The following FIBP variants were observed in gnomAD, a reference collection of about 807,000 sequenced individuals.
FIBP encodes the protein FGF1 intracellular binding protein, also known as acidic fibroblast growth factor intracellular-binding protein.
A neutral mutation model predicts 40.5 loss-of-function variants in FIBP; 29 were observed. That is an observed-to-expected ratio of 0.72 (90% CI 0.53 to 0.98). The LOEUF (loss-of-function observed/expected upper bound fraction) is 0.98. Among genes scored for constraint, FIBP ranks in the 50% least tolerant of loss-of-function variants. The probability of loss-of-function intolerance (pLI) is 0.00; values close to 1 mark genes in which losing one functional copy is unlikely to be tolerated. For missense variants in FIBP, 411 were observed against 470.2 expected (o/e 0.87, Z 1.16); for synonymous variants, 215 against 191.1 (o/e 1.13, Z -1.03).
In FIBP at chr11:65,884,959, G is replaced by A; in HGVS notation, c.795C>T (p.Phe265=). 6.2e-7 allele frequency: 1 copy of A among 1,614,192 alleles called. No individual in the cohort carries two copies. Among genetic ancestry groups the A allele is most frequent in the Non-Finnish European group, 8.5e-7 (1 of 1,180,044 alleles). The stretch of plus-strand genomic sequence containing the variant: ...CCTTGAAGTTGGCTTCCATCTCAGA[G>A]AAGACGCCCAGCTTTCCCCGGAGAG... ...CTALRGKLGV[F]SEMEANFKNL... The change falls in exon 7 of 10, where the codon TTC becomes TTT. Residue 265 remains phenylalanine (F), a synonymous_variant. Coordinates refer to ENST00000357519, the MANE Select transcript of FIBP (RefSeq NM_004214.5).
chr11:65,886,060 C>T lies in FIBP; in HGVS notation c.512+262G>A. On this transcript the variant is annotated intron_variant, in intron 4 of 9. Coordinates refer to ENST00000357519, the MANE Select transcript of FIBP (RefSeq NM_004214.5). The stretch of plus-strand genomic sequence containing the variant: ...TGGCTCAAGCCTGTAATCCCAGCTA[C>T]TCGGGAGGCTGAGGCAGAATTGCTT... The T allele has an allele frequency of 1.1e-5, 5 of 470,412 alleles. No homozygotes were observed. The South Asian group carries it at 1.3e-4, about 12-fold the overall frequency. 29.1% of individuals were successfully genotyped at this position (470,412 alleles called of 1,614,324 possible).
chr11:65,886,927 C>T (rs1860251905), intron 3 of FIBP: 1 of 170,728 alleles, frequency 5.9e-6, no homozygotes, highest in South Asian at 1.3e-4. Flanking sequence ...GAACAGTACC[C>T]TCCAGGTAGA....
intron 2 of FIBP, 53 bp downstream of exon 2, chr11:65,887,881 A>G (rs1187852791): frequency 6.3e-7 from 1 of 1,597,842 alleles, no homozygotes; most frequent in Admixed American, 1.7e-5. Context: ...AGCCGGCAAA[A>G]TGGGTATACA....
chr11:65,885,065 C>T lies in FIBP; in HGVS notation c.755+13G>A, dbSNP rs2231891. On this transcript the variant is annotated intron_variant, in intron 6 of 9. Coordinates refer to ENST00000357519, the MANE Select transcript of FIBP (RefSeq NM_004214.5). ...TACTGCAGGCCCCGCCCCATGGGCC[C>T]CTACAAGGTCACCTCTTGTGCAGGT... 3,013 of 1,613,532 alleles carry T rather than the reference C, an allele frequency of 1.9e-3. 46 individuals carry two copies. The African/African-American group carries it at 0.035, about 19-fold the overall frequency.
intron 5 of FIBP, 84 bp from the exon 6 acceptor site, chr11:65,885,270 T>C (rs552779927): frequency 1.2e-5 from 14 of 1,171,526 alleles, no homozygotes; most frequent in Middle Eastern, 3.9e-4. Context: ...ACCACCTTAT[T>C]TCCCCCCTGG....
intron 8 of FIBP, 36 bp from the exon 9 acceptor site, chr11:65,884,525 G>T: frequency 1.9e-6 from 3 of 1,613,838 alleles, no homozygotes; most frequent in Non-Finnish European, 2.5e-6. Flanking sequence ...ACTTGTATAG[G>T]CCAGGGACAG....
chr11:65,884,531 G>T, intron 8 of FIBP, 39 bp downstream of exon 8: 1 of 1,614,014 alleles, frequency 6.2e-7, no homozygotes, highest in Non-Finnish European at 8.5e-7. Context: ...ATAGGCCAGG[G>T]ACAGACCAGG....
chr11:65,884,769 A>C lies in FIBP; in HGVS notation c.820-113T>G, dbSNP rs1466173746. ...TCCCCAGATCCATCCACCTCCCTCC[A>C]TCAACCAAGTCCCCATTGTTTATGA... On this transcript the variant is annotated intron_variant, in intron 7 of 9. Transcript: ENST00000357519. 6 of 1,321,778 alleles carry C rather than the reference A, an allele frequency of 4.5e-6. No individual in the cohort carries two copies. In the South Asian group the frequency reaches 7.2e-5, roughly 16 times the overall value. The allele number at this position is 1,321,778 out of a possible 1,614,324, so 81.9% of individuals were successfully genotyped here.
At chr11:65,887,526 G>T in intron 3 of FIBP, 74 bp downstream of exon 3, 1 of 1,514,166 alleles carries the variant, frequency 6.6e-7, no homozygotes, top group Non-Finnish European at 9.1e-7. Context: ...TCAGAGGCTG[G>T]AACTGGGCCA....
chr11:65,886,277 G>T (rs372766991), intron 4 of FIBP, 45 bp downstream of exon 4: 1 of 1,366,928 alleles, frequency 7.3e-7, no homozygotes, highest in Non-Finnish European at 1.0e-6. Flanking sequence ...GAGCCTCCGG[G>T]CCCAGGAAGT....
Position 65,887,650 on chromosome 11 carries a change from C to G in FIBP, c.361G>C (p.Asp121His). The change falls in exon 3 of 10, where the codon GAT becomes CAT. Residue 121 changes from aspartate to histidine, a missense_variant. Transcript: ENST00000357519. ...KLSKGTKKDL[D>H]DISTKTGITL... ...ATGCCTGTTTTGGTGCTGATGTCATCCAGGTCTTTCTTGGTGCCTTTGGAC... is the reference window on the plus strand; with the variant it reads ...ATGCCTGTTTTGGTGCTGATGTCATGCAGGTCTTTCTTGGTGCCTTTGGAC... 6.2e-7 allele frequency: 1 copy of G among 1,614,112 alleles called. No homozygotes were observed. The highest frequency in any genetic ancestry group is 8.5e-7 in the Non-Finnish European group (1 of 1,180,018).
chr11:65,886,651 A>C, intron 3 of FIBP: 1 of 492,140 alleles, frequency 2.0e-6, no homozygotes, highest in Non-Finnish European at 3.6e-6. Flanking sequence ...ATGTTTACTC[A>C]ATCTTATCTC....
chr11:65,885,935 C>T, intron 4 of FIBP: 1 of 472,082 alleles, frequency 2.1e-6, no homozygotes, highest in Non-Finnish European at 3.8e-6. Flanking sequence ...GTGCCATGGG[C>T]TTTACATATG....
Position 65,884,641 on chromosome 11 carries a change from G to A in FIBP, c.835C>T (p.Leu279=). The A allele has an allele frequency of 6.2e-7, 1 of 1,614,068 alleles. No individual in the cohort carries two copies. The highest frequency in any genetic ancestry group is 8.5e-7 in the Non-Finnish European group (1 of 1,180,014). ...EANFKNLSRG[L]VNVAAKLTHN... Reference sequence around the variant, plus strand: ...GTCAGCTTGGCGGCCACGTTCACCAGCCCCCGGGACAGGTTCTGTGGGGCA... The same window carrying A: ...GTCAGCTTGGCGGCCACGTTCACCAACCCCCGGGACAGGTTCTGTGGGGCA... The change falls in exon 8 of 10, where the codon CTG becomes TTG. Residue 279 remains leucine, a synonymous_variant. Transcript: ENST00000357519.
chr11:65,885,759 C>G (rs992220155), intron 4 of FIBP, 96 bp from the exon 5 acceptor site: 2 of 1,198,878 alleles, frequency 1.7e-6, no homozygotes, highest in African/African-American at 3.0e-5. Context: ...GAGTTCTGGC[C>G]TCTCTCTGCC....
At chr11:65,887,197 A>C in intron 3 of FIBP, 1 of 351,274 alleles carries the variant, frequency 2.8e-6, no homozygotes, top group Non-Finnish European at 5.5e-6. Flanking sequence ...CTGTAATGTC[A>C]GCACTTTGGG....
chr11:65,887,876 G>T, intron 2 of FIBP, 58 bp downstream of exon 2: 1 of 1,593,528 alleles, frequency 6.3e-7, no homozygotes. Flanking sequence ...GTTTCAGCCG[G>T]CAAAATGGGT....
At chr11:65,885,974 G>A (rs183720782) in intron 4 of FIBP, 7 of 435,152 alleles carry the variant, frequency 1.6e-5, no homozygotes, top group Middle Eastern at 6.3e-4. Flanking sequence ...GCTGGAAATC[G>A]CTGGACTGTG....
In FIBP at chr11:65,888,459, A is replaced by C. The variant is rs751255250; in HGVS notation, c.-41T>G. 11 of 1,460,636 alleles carry C rather than the reference A, an allele frequency of 7.5e-6. No individual in the cohort carries two copies. In the South Asian group the frequency reaches 1.3e-4, roughly 18 times the overall value. The allele number at this position is 1,460,636 out of a possible 1,614,324, so 90.5% of individuals were successfully genotyped here. ...CGCAGCGCCCCGAGCAGGAGCGAGC[A>C]CTGCTCGGGACTGGCGCGCCGCCTT... On this transcript the variant is annotated 5_prime_UTR_variant, in exon 1 of 10. Transcript: ENST00000357519.
Sources: allele counts gnomAD v4.1 joint callset, GRCh38; gene constraint gnomAD v4.1.1; transcripts MANE v1.5; gene names NCBI Gene and HGNC (gene_info 2026-07-23, HGNC 2026-07-21).